TKT: variants seen among roughly 807,000 people sequenced by gnomAD.
The protein encoded by TKT is transketolase.
TKT carries 47 observed loss-of-function variants against 63.9 expected under a neutral mutation model. The ratio of observed to expected loss-of-function variants is 0.74; its 90% confidence interval spans 0.58 to 0.94. The LOEUF is 0.94. Ranked by LOEUF, TKT falls within the 40% of genes least tolerant of loss-of-function variation. The pLI, the probability that TKT is intolerant of heterozygous loss-of-function variation, is 0.00. For synonymous variants in TKT, 338 were observed against 334.1 expected, an observed-to-expected ratio of 1.01 and a Z score of -0.13; for missense variants, 721 against 846.2, an observed-to-expected ratio of 0.85 and a Z score of 1.84.
At chr3:53,231,861 A>G (rs1575562097) in intron 6 of TKT, 2 of 388,830 alleles carry the variant, frequency 5.1e-6, no homozygotes, top group Non-Finnish European at 9.3e-6. Context: ...CCCTTCACCA[A>G]TGTGTCCATT....
In TKT at chr3:53,226,887, G is replaced by C. The variant is rs2279323; in HGVS notation, c.1574-9C>G. ...GCGGATGTTGATCTTTTCTGTGAGG[G>C]AGAGCACACGGCGTGGCTGAGGGGA... On this transcript the variant is annotated splice_polypyrimidine_tract_variant and intron_variant, in intron 12 of 13. Coordinates refer to ENST00000462138, the MANE Select transcript of TKT (RefSeq NM_001064.4). 298,207 of 1,597,680 alleles carry C rather than the reference G, an allele frequency of 0.19. 28,745 individuals are homozygous for C. Among genetic ancestry groups the C allele is most frequent in the Non-Finnish European group, 0.2 (228,673 of 1,170,906 alleles).
At chr3:53,226,129 G>A (rs1704490299) in intron 13 of TKT, 198 bp from the exon 14 acceptor site, 4 of 503,588 alleles carry the variant, frequency 7.9e-6, no homozygotes, top group Non-Finnish European at 1.4e-5. Flanking sequence ...ATGTTGCCCA[G>A]GCTGGTCTCC....
At chr3:53,230,920 G>A (rs1279042664) in intron 7 of TKT, among the ~76,000 whole-genome samples, 1 of 152,216 alleles carries the variant, frequency 6.6e-6, no homozygotes, top group Non-Finnish European at 1.5e-5. Context: ...ACTTTGCATG[G>A]GAACACAGAA....
In TKT at chr3:53,225,595, C is replaced by G. The variant is rs1704460686; in HGVS notation, c.*161G>C. On this transcript the variant is annotated 3_prime_UTR_variant, in exon 14 of 14. Coordinates refer to ENST00000462138, the MANE Select transcript of TKT (RefSeq NM_001064.4). Reference sequence around the variant, plus strand: ...TAGCGCACCCTCCACGCTTCTTCCCCAGAACCTGCACTGGCTGCAAACACA... The same window carrying G: ...TAGCGCACCCTCCACGCTTCTTCCCGAGAACCTGCACTGGCTGCAAACACA... 2.2e-6 allele frequency: 2 copies of G among 909,024 alleles called. No individual in the cohort carries two copies. The allele number at this position is 909,024 out of a possible 1,614,324, so 56.3% of individuals were successfully genotyped here.
rs1704827758 is a variant in TKT, at chr3:53,232,803, G to A, written c.748+353C>T. On this transcript the variant is annotated intron_variant, in intron 6 of 13. Transcript: ENST00000462138. ...CTGTGTCGGCCCTTCAGCTGGAGCA[G>A]GTGGCCGGAGCTGGCAGAGCACACA... 9.8e-6 allele frequency: 4 copies of A among 408,468 alleles called. No individual in the cohort carries two copies. The East Asian group carries it at 1.5e-4, about 15-fold the overall frequency. The allele number at this position is 408,468 out of a possible 1,614,324, so 25.3% of individuals were successfully genotyped here. A position where few individuals can be genotyped will look rare whatever the true frequency, so the allele number is the denominator to read the frequency against.
intron 1 of TKT, among the ~76,000 whole-genome samples, chr3:53,243,389 CCG>C (rs1238509375): frequency 4.0e-5 from 6 of 148,766 alleles, no homozygotes; most frequent in African/African-American, 1.6e-4. Flanking sequence ...CGAAGACACG[CCG>C]CATGCCAAGC....
intron 1 of TKT, among the ~76,000 whole-genome samples, chr3:53,244,077 G>A (rs1305079087): frequency 1.3e-5 from 2 of 152,212 alleles, no homozygotes; most frequent in Non-Finnish European, 2.9e-5. Context: ...CGTGGAGAGA[G>A]GAAGGTCAGC....
chr3:53,239,086 A>C (rs1553679286), intron 4 of TKT, among the ~76,000 whole-genome samples: 2 of 152,112 alleles, frequency 1.3e-5, no homozygotes, highest in African/African-American at 4.8e-5. Context: ...ACAAGATCTG[A>C]TGGTTTTAAA....
At chr3:53,240,116 A>G (rs781921296) in intron 4 of TKT, 135 bp downstream of exon 4, 10 of 772,526 alleles carry the variant, frequency 1.3e-5, no homozygotes, top group Non-Finnish European at 2.0e-5. Flanking sequence ...TTAAAGAGCA[A>G]AAGAGGCCAC....
intron 13 of TKT, chr3:53,226,138 C>G (rs1704490732): frequency 2.1e-6 from 1 of 480,164 alleles, no homozygotes; most frequent in African/African-American, 2.0e-5. Flanking sequence ...AGGCTGGTCT[C>G]CCAACTCCTG....
chr3:53,224,741 C>T lies in TKT; in HGVS notation c.*1015G>A, dbSNP rs566874636. 9.6e-4 allele frequency: 146 copies of T among 152,420 alleles called. No homozygotes were observed. Among genetic ancestry groups the T allele is most frequent in the African/African-American group, 3.3e-3 (137 of 41,574 alleles). The allele number at this position is 152,420 out of a possible 1,614,324, so 9.4% of individuals were successfully genotyped here. A position where few individuals can be genotyped will look rare whatever the true frequency, so the allele number is the denominator to read the frequency against. The stretch of plus-strand genomic sequence containing the variant: ...CTTTGACAGGTTTATTCTCTCCAGA[C>T]GGTCAGGAGGACAGGTGGACGTGTC... On this transcript the variant is annotated 3_prime_UTR_variant, in exon 14 of 14. Transcript: ENST00000462138.
chr3:53,246,637 G>C (rs550702959), intron 1 of TKT, among the ~76,000 whole-genome samples: 2 of 152,284 alleles, frequency 1.3e-5, no homozygotes, highest in African/African-American at 4.8e-5. Context: ...CAGATCACCT[G>C]AGGTCATGAG....
At chr3:53,231,826 T>C in intron 6 of TKT, 1 of 469,596 alleles carries the variant, frequency 2.1e-6, no homozygotes, top group Non-Finnish European at 3.8e-6. Context: ...TGGGCAGGTG[T>C]GTGTTTCTGG....
chr3:53,234,151 CAG>C (rs1553677913), intron 5 of TKT: 2 of 152,444 alleles, frequency 1.3e-5, no homozygotes, highest in East Asian at 1.9e-4. Context: ...GCCTGTCCAA[CAG>C]AGATTATTTC....
chr3:53,226,605 T>C (rs782755836), intron 13 of TKT, 151 bp downstream of exon 13: 4 of 1,161,766 alleles, frequency 3.4e-6, no homozygotes, highest in Non-Finnish European at 4.9e-6. Flanking sequence ...CTGAGGCCTT[T>C]TAAGAGACCA....
Position 53,253,215 on chromosome 3 carries a change from C to G in TKT, c.107+2621G>C, listed in dbSNP as rs182642700. Among the ~76,000 whole-genome samples the G allele has an allele frequency of 2.4e-4, 37 of 152,204 alleles. 1 individual carries two copies. The highest frequency in any genetic ancestry group is 2.0e-3 in the Admixed American group (30 of 15,274). On this transcript the variant is annotated intron_variant, in intron 1 of 13. Transcript: ENST00000462138. ...CTGGTCTTGAACTCCTGGCCTCAAG[C>G]GAACCTTCTGCCTTGGCCTCCCAAA...
At chr3:53,252,922 T>C (rs1705823095) in intron 1 of TKT, among the ~76,000 whole-genome samples, 1 of 151,988 alleles carries the variant, frequency 6.6e-6, no homozygotes. Flanking sequence ...TCACCGCAAC[T>C]TCTGCCTCCC....
rs782467027 is a variant in TKT at position 53,231,408 on chromosome 3, G to A, written c.891C>T (p.Asp297=). 4.3e-6 allele frequency: 7 copies of A among 1,613,938 alleles called. No homozygotes were observed. The Admixed American group carries it at 1.2e-4, about 27-fold the overall frequency. The change falls in exon 7 of 14, where the codon GAC becomes GAT. Residue 297 remains aspartate (D), a synonymous_variant. Transcript: ENST00000462138. ...GGCTGGGCATGCGGATGTTGGCAATGTCCACTGAGGGTGCGTCCTCCTGTG... is the reference window on the plus strand; with the variant it reads ...GGCTGGGCATGCGGATGTTGGCAATATCCACTGAGGGTGCGTCCTCCTGTG... ...TPPQEDAPSV[D]IANIRMPSLP...
chr3:53,235,064 T>A lies in TKT; in HGVS notation c.548A>T (p.Asp183Val), dbSNP rs781998998. ...GTCACTCTGGCCCAGGCGATTGATGTCTAGAATGGCCACAAGGTTGTCCAG... is the reference window on the plus strand; with the variant it reads ...GTCACTCTGGCCCAGGCGATTGATGACTAGAATGGCCACAAGGTTGTCCAG... ...YKLDNLVAIL[D>V]INRLGQSDPA... Residue 183 changes from aspartate (D) to valine (V), a missense_variant, in exon 5 of 14, where the codon GAC (aspartate) becomes GTC (valine). Coordinates refer to ENST00000462138, the MANE Select transcript of TKT (RefSeq NM_001064.4). 1.2e-6 allele frequency: 2 copies of A among 1,613,994 alleles called. No homozygotes were observed. The highest frequency in any genetic ancestry group is 8.5e-7 in the Non-Finnish European group (1 of 1,180,024).
Sources: allele counts gnomAD v4.1 joint callset (sites outside exome capture counted in the v4.1 genomes callset), GRCh38; gene constraint gnomAD v4.1.1; transcripts MANE v1.5; gene names NCBI Gene and HGNC (gene_info 2026-07-23, HGNC 2026-07-21).